The following TSHZ2 variants were observed in gnomAD, a reference collection of about 807,000 sequenced individuals.
TSHZ2 encodes teashirt zinc finger homeobox 2.
A neutral mutation model predicts 74.4 loss-of-function variants in TSHZ2; 21 were observed. The observed-to-expected ratio is 0.28, with a 90% CI of 0.20 to 0.41. The LOEUF (loss-of-function observed/expected upper bound fraction) is 0.41. TSHZ2 is among the 10% of genes least tolerant of loss of function. The pLI, the probability that TSHZ2 is intolerant of heterozygous loss-of-function variation, is 1.00. For missense variants in TSHZ2, 1,244 were observed against 1,293.5 expected, an observed-to-expected ratio of 0.96 and a Z score of 0.59; for synonymous variants, 540 against 515.3, an observed-to-expected ratio of 1.05 and a Z score of -0.65.
chr20:53,108,917 G>T (rs946382157), intron 1 of TSHZ2, among the ~76,000 whole-genome samples: 2 of 152,080 alleles, frequency 1.3e-5, no homozygotes, highest in African/African-American at 4.8e-5. Flanking sequence ...CTTCCCTGCA[G>T]TTTCTGAAGA....
intron 1 of TSHZ2, among the ~76,000 whole-genome samples, chr20:53,018,800 C>T (rs925753905): frequency 3.9e-5 from 6 of 152,136 alleles, no homozygotes; most frequent in Non-Finnish European, 8.8e-5. Flanking sequence ...CTCTTAGGTT[C>T]TCAGCTCTAC....
intron 1 of TSHZ2, among the ~76,000 whole-genome samples, chr20:53,219,768 A>G (rs771295706): frequency 1.3e-5 from 2 of 152,232 alleles, no homozygotes; most frequent in Non-Finnish European, 1.5e-5. Context: ...CAAATTTTTC[A>G]AGAAAAGCCA....
At chr20:53,020,175 G>A (rs6097191) in intron 1 of TSHZ2, among the ~76,000 whole-genome samples, 97,499 of 151,950 alleles carry the variant, frequency 0.64, 32,134 homozygotes, top group Non-Finnish European at 0.72. Context: ...GGACATGTGG[G>A]GATTACAATT....
At chr20:53,462,098 A>G (rs539740342) in intron 2 of TSHZ2, among the ~76,000 whole-genome samples, 1 of 152,132 alleles carries the variant, frequency 6.6e-6, no homozygotes, top group South Asian at 2.1e-4. Flanking sequence ...GAAAAAAAGA[A>G]AAAAAACTAG....
rs1411229355 is a variant in TSHZ2, at chr20:53,421,684, T to TTTG, written c.*9-65458_*9-65457insGTT. ...ATGAGTTTATCTTATGTTTTTGGTT[T>TTTG]TTTTTTTTTTTTTTTTTTTTTGAGA... On this transcript the variant is annotated intron_variant, in intron 2 of 2. Transcript: ENST00000371497. The TTTG allele has an allele frequency of 4.1e-5, 3 of 73,766 alleles. No homozygotes were observed. The East Asian group carries it at 8.4e-4, about 21-fold the overall frequency. The allele number at this position is 73,766 out of a possible 1,614,324, so 4.6% of individuals were successfully genotyped here. A position where few individuals can be genotyped will look rare whatever the true frequency, so the allele number is the denominator to read the frequency against.
Position 53,255,389 on chromosome 20 carries a change from A to G in TSHZ2, c.1931A>G (p.Lys644Arg), listed in dbSNP as rs1257969231. The part of the protein sequence containing the change: ...FRKSETPPEA[K>R]KTELGPLKEE... ...AAAAGTGAAACACCTCCAGAAGCCA[A>G]AAAGACCGAGCTGGGTCCCCTGAAG... Residue 644 changes from lysine to arginine, a missense_variant, in exon 2 of 3, where the codon AAA (lysine) becomes AGA (arginine). By Grantham distance (26) the Lys-to-Arg change is conservative. Transcript: ENST00000371497. This position sits in a 1 kb window ranked among gnomAD's most constrained non-coding sequence, Gnocchi z 4.1. 3.7e-6 allele frequency: 6 copies of G among 1,613,886 alleles called. No individual in the cohort carries two copies. In the East Asian group the frequency reaches 6.7e-5, roughly 18 times the overall value.
At chr20:53,484,838 A>G (rs191449820) in intron 2 of TSHZ2, among the ~76,000 whole-genome samples, 2 of 152,336 alleles carry the variant, frequency 1.3e-5, no homozygotes, top group Admixed American at 6.5e-5. Context: ...TGTTATGATT[A>G]TCTTGTGCAT....
At chr20:53,336,082 T>C (rs953934842) in intron 2 of TSHZ2, among the ~76,000 whole-genome samples, 6 of 152,212 alleles carry the variant, frequency 3.9e-5, no homozygotes, top group Non-Finnish European at 8.8e-5. Flanking sequence ...TGGGAAAGCT[T>C]ATATTTTCTC....
intron 2 of TSHZ2, among the ~76,000 whole-genome samples, chr20:53,264,867 CA>C (rs1282011629): frequency 6.6e-6 from 1 of 152,044 alleles, no homozygotes; most frequent in Non-Finnish European, 1.5e-5. Flanking sequence ...GAAAACATGG[CA>C]GTGTGGAGGG....
intron 2 of TSHZ2, among the ~76,000 whole-genome samples, chr20:53,322,851 G>A (rs1032132630): frequency 3.3e-5 from 5 of 152,286 alleles, no homozygotes; most frequent in Non-Finnish European, 2.9e-5. Context: ...TGCCCACCAC[G>A]GAAGTAAAAC....
At chr20:53,201,509 T>C (rs1217473328) in intron 1 of TSHZ2, among the ~76,000 whole-genome samples, 1 of 152,170 alleles carries the variant, frequency 6.6e-6, no homozygotes, top group East Asian at 1.9e-4. Flanking sequence ...TTTGGGTCCT[T>C]CTCATTTTGG....
rs926762294 is a variant in TSHZ2 at position 53,246,020 on chromosome 20, TTTTC to T, written c.41-7459_41-7456del. Among the ~76,000 whole-genome samples the T allele has an allele frequency of 5.9e-4, 88 of 148,734 alleles. 1 individual carries two copies. The highest frequency in any genetic ancestry group is 1.8e-3 in the East Asian group (9 of 5,108). On this transcript the variant is annotated intron_variant, in intron 1 of 2. Transcript: ENST00000371497. ...GAAAGTCCTTCAGTAGCAGCTGTGCTTTTCTTTCTTTCTTTCTTTCTTTTTTTTT... is the reference window on the plus strand; with the variant it reads ...GAAAGTCCTTCAGTAGCAGCTGTGCTTTTCTTTCTTTCTTTCTTTTTTTTT...
At chr20:53,039,464 T>G (rs1378251723) in intron 1 of TSHZ2, among the ~76,000 whole-genome samples, 1 of 152,182 alleles carries the variant, frequency 6.6e-6, no homozygotes, top group Non-Finnish European at 1.5e-5. Context: ...GAACAAATAT[T>G]TATAGGCCTC....
intron 1 of TSHZ2, among the ~76,000 whole-genome samples, chr20:53,085,954 T>C (rs1247764641): frequency 6.6e-6 from 1 of 152,212 alleles, no homozygotes; most frequent in Non-Finnish European, 1.5e-5. Flanking sequence ...CAACCTCACC[T>C]GTGCCTCTCA....
intron 1 of TSHZ2, among the ~76,000 whole-genome samples, chr20:53,013,134 A>C (rs1193761339): frequency 6.6e-6 from 1 of 152,196 alleles, no homozygotes; most frequent in Non-Finnish European, 1.5e-5. Context: ...TAATATTTAT[A>C]GATCACTTCA....
chr20:53,244,278 C>A (rs181690725), intron 1 of TSHZ2, among the ~76,000 whole-genome samples: 13 of 151,954 alleles, frequency 8.6e-5, no homozygotes, highest in Non-Finnish European at 1.5e-5. Flanking sequence ...TATCCTTATG[C>A]GGAATAAACG....
intron 1 of TSHZ2, among the ~76,000 whole-genome samples, chr20:53,115,577 T>G (rs772318174): frequency 2.6e-5 from 4 of 152,200 alleles, no homozygotes; most frequent in Non-Finnish European, 4.4e-5. Context: ...TATGTCTTTA[T>G]TAGCAGCATG....
intron 2 of TSHZ2, among the ~76,000 whole-genome samples, chr20:53,304,034 TTTA>T (rs200671444): frequency 4.0e-4 from 61 of 151,198 alleles, no homozygotes; most frequent in Admixed American, 3.4e-3. Flanking sequence ...CAACAGATTC[TTTA>T]TTATTATTAT....
At chr20:53,037,489 A>T (rs6013613) in intron 1 of TSHZ2, among the ~76,000 whole-genome samples, 61,673 of 152,096 alleles carry the variant, frequency 0.41, 14,148 homozygotes, top group East Asian at 0.71. Flanking sequence ...GTAAGAAAAA[A>T]TTCTATAGAT....
Sources: allele counts gnomAD v4.1 joint callset (sites outside exome capture counted in the v4.1 genomes callset), GRCh38; gene constraint gnomAD v4.1.1; non-coding constraint Gnocchi (gnomAD v3.1); transcripts MANE v1.5; gene names NCBI Gene and HGNC (gene_info 2026-07-23, HGNC 2026-07-21).